DLG2: variants seen among roughly 807,000 people sequenced by gnomAD.
DLG2 encodes the protein discs large MAGUK scaffold protein 2, also known as disks large homolog 2.
In DLG2, 45 loss-of-function variants were observed where a neutral mutation model predicts 132.5. That is an observed-to-expected ratio of 0.34 (90% CI 0.27 to 0.44). The LOEUF (loss-of-function observed/expected upper bound fraction) is 0.44. Ranked by LOEUF, DLG2 falls within the 20% of genes least tolerant of loss-of-function variation. The pLI, the probability that DLG2 is intolerant of heterozygous loss-of-function variation, is 1.00. For synonymous variants in DLG2, 424 were observed against 419.6 expected (o/e 1.01, Z -0.13); for missense variants, 1,045 against 1,196.9 (o/e 0.87, Z 1.87).
At chr11:83,904,642 A>G (rs1358193102) in intron 15 of DLG2, among the ~76,000 whole-genome samples, 1 of 151,932 alleles carries the variant, frequency 6.6e-6, no homozygotes, top group Non-Finnish European at 1.5e-5. Flanking sequence ...TATCTCTGGA[A>G]CTAGTTCTTT....
chr11:84,011,343 T>G (rs2094881399), intron 11 of DLG2, among the ~76,000 whole-genome samples: 1 of 151,992 alleles, frequency 6.6e-6, no homozygotes, highest in South Asian at 2.1e-4. Flanking sequence ...TGGTGGCATG[T>G]GCCTGTGGTT....
intron 21 of DLG2, among the ~76,000 whole-genome samples, chr11:83,499,854 T>TATAG (rs1212105038): frequency 4.1e-5 from 1 of 24,458 alleles, no homozygotes; most frequent in Non-Finnish European, 7.5e-5. Flanking sequence ...TAATAGGAGA[T>TATAG]ATATATATAT....
chr11:83,699,497 C>T (rs1047537959), intron 18 of DLG2, among the ~76,000 whole-genome samples: 1 of 150,668 alleles, frequency 6.6e-6, no homozygotes, highest in Non-Finnish European at 1.5e-5. Context: ...GAGATCGAGA[C>T]CATCCTGGCT....
Position 84,920,771 on chromosome 11 carries a change from A to G in DLG2, c.357+190890T>C, listed in dbSNP as rs1591320193. Among the ~76,000 whole-genome samples the G allele has an allele frequency of 2.0e-5, 3 of 152,296 alleles. No individual in the cohort carries two copies. The South Asian group carries it at 6.2e-4, about 32-fold the overall frequency. ...ATTTAATGACTTGTTACATAAAAAT[A>G]TATGAAATATCTTAAAACATACCAC... is the stretch of plus-strand genomic sequence containing the variant. On this transcript the variant is annotated intron_variant, in intron 6 of 27. Coordinates refer to ENST00000376104, the MANE Select transcript of DLG2 (RefSeq NM_001142699.3).
intron 4 of DLG2, among the ~76,000 whole-genome samples, chr11:85,163,617 A>T (rs1235699833): frequency 1.3e-5 from 2 of 152,216 alleles, no homozygotes; most frequent in Non-Finnish European, 2.9e-5. Flanking sequence ...GAAAAGGCAT[A>T]GATTTTAGAG....
intron 2 of DLG2, among the ~76,000 whole-genome samples, chr11:85,620,797 G>A (rs942037486): frequency 6.6e-6 from 1 of 152,214 alleles, no homozygotes; most frequent in African/African-American, 2.4e-5. Context: ...AAGGAAAGAA[G>A]TCATCTTTAC....
chr11:84,899,477 A>G (rs748451368), intron 6 of DLG2, among the ~76,000 whole-genome samples: 1 of 152,068 alleles, frequency 6.6e-6, no homozygotes, highest in Non-Finnish European at 1.5e-5. Flanking sequence ...AAGGGACCTC[A>G]CCGTGCAACA....
intron 21 of DLG2, among the ~76,000 whole-genome samples, chr11:83,488,849 C>T (rs1157938265): frequency 6.6e-6 from 1 of 151,900 alleles, no homozygotes; most frequent in Admixed American, 6.6e-5. Flanking sequence ...TTATACAAAT[C>T]TTATTTTCAC....
chr11:85,262,668 T>A (rs1565232277), intron 4 of DLG2, among the ~76,000 whole-genome samples: 1 of 152,222 alleles, frequency 6.6e-6, no homozygotes, highest in Non-Finnish European at 1.5e-5. Flanking sequence ...TATCTTTAGA[T>A]GAATGCACAC....
rs999947292 is a variant in DLG2, at chr11:85,244,398, T to C, written c.186+40822A>G. On this transcript the variant is annotated intron_variant, in intron 4 of 27. Transcript: ENST00000376104. Reference sequence around the variant, plus strand: ...AACAACAGCACCTGCTCCAGTCAAATAGTCATCCACCAATGATATACGAGG... The same window carrying C: ...AACAACAGCACCTGCTCCAGTCAAACAGTCATCCACCAATGATATACGAGG... Among the ~76,000 whole-genome samples the C allele has an allele frequency of 2.0e-5, 3 of 152,020 alleles. No homozygotes were observed. The Admixed American group carries it at 2.0e-4, about 10-fold the overall frequency.
intron 11 of DLG2, among the ~76,000 whole-genome samples, chr11:84,002,609 GC>G (rs2094406780): frequency 1.3e-5 from 2 of 152,076 alleles, no homozygotes; most frequent in Non-Finnish European, 2.9e-5. Context: ...CTCTACGTTG[GC>G]CCCTTTTACT....
chr11:84,737,534 T>C (rs1596957786), intron 6 of DLG2, among the ~76,000 whole-genome samples: 2 of 150,180 alleles, frequency 1.3e-5, no homozygotes, highest in East Asian at 3.9e-4. Context: ...GAGAATGTGA[T>C]GTGTATGTAT....
intron 7 of DLG2, among the ~76,000 whole-genome samples, chr11:84,483,017 T>C (rs1035127197): frequency 9.2e-5 from 14 of 152,130 alleles, no homozygotes; most frequent in Non-Finnish European, 1.6e-4. Flanking sequence ...AATAAACTTA[T>C]AGAGACAAAA....
At chr11:84,710,434 G>A (rs1448155409) in intron 6 of DLG2, among the ~76,000 whole-genome samples, 1 of 151,904 alleles carries the variant, frequency 6.6e-6, no homozygotes, top group Non-Finnish European at 1.5e-5. Context: ...GAGGATACTT[G>A]AGACATGGCT....
At chr11:83,715,573 A>C (rs1461731120) in intron 18 of DLG2, among the ~76,000 whole-genome samples, 1 of 152,158 alleles carries the variant, frequency 6.6e-6, no homozygotes, top group Non-Finnish European at 1.5e-5. Context: ...CACTGCAGAG[A>C]GATGTGATTT....
chr11:84,746,642 A>T (rs1272658321), intron 6 of DLG2, among the ~76,000 whole-genome samples: 1 of 152,204 alleles, frequency 6.6e-6, no homozygotes, highest in Non-Finnish European at 1.5e-5. Context: ...ATGCAAAAGG[A>T]TCAATTTTAT....
At chr11:83,751,612 G>A (rs1227119305) in intron 18 of DLG2, among the ~76,000 whole-genome samples, 1 of 152,140 alleles carries the variant, frequency 6.6e-6, no homozygotes, top group African/African-American at 2.4e-5. Flanking sequence ...AGGTGTAGCT[G>A]ATCAAATTTG....
At chr11:84,198,957 T>C (rs991913546) in intron 8 of DLG2, among the ~76,000 whole-genome samples, 2 of 152,080 alleles carry the variant, frequency 1.3e-5, no homozygotes, top group African/African-American at 4.8e-5. Flanking sequence ...GAAACTTACC[T>C]TGTTAAAAAA....
chr11:84,583,993 C>T (rs922393027), intron 6 of DLG2, among the ~76,000 whole-genome samples: 25 of 151,912 alleles, frequency 1.6e-4, no homozygotes, highest in African/African-American at 5.1e-4. Flanking sequence ...TCATGTTTTA[C>T]TTTTTCCTTT....
Sources: allele counts gnomAD v4.1 joint callset (sites outside exome capture counted in the v4.1 genomes callset), GRCh38; gene constraint gnomAD v4.1.1; transcripts MANE v1.5; gene names NCBI Gene and HGNC (gene_info 2026-07-23, HGNC 2026-07-21).